The following GRID2 variants were observed in gnomAD, a reference collection of about 807,000 sequenced individuals.
GRID2 encodes the protein glutamate ionotropic receptor delta type subunit 2, also known as glutamate receptor ionotropic, delta-2.
Under a neutral mutation model 114.8 loss-of-function variants are expected in GRID2, and 33 were observed. The ratio of observed to expected loss-of-function variants is 0.29; its 90% confidence interval spans 0.22 to 0.38. The LOEUF is 0.38. GRID2 is among the 10% of genes least tolerant of loss of function. The probability of loss-of-function intolerance (pLI) is 1.00; values close to 1 mark genes in which losing one functional copy is unlikely to be tolerated. For missense variants in GRID2, 1,184 were observed against 1,257.7 expected (o/e 0.94, Z 0.89); for synonymous variants, 505 against 449.9 (o/e 1.12, Z -1.55).
intron 5 of GRID2, among the ~76,000 whole-genome samples, chr4:93,208,570 A>G (rs1486603826): frequency 3.9e-5 from 6 of 152,040 alleles, no homozygotes; most frequent in Non-Finnish European, 7.4e-5. Flanking sequence ...AATGAGGTCC[A>G]TAGAGAATAA....
At chr4:92,723,376 C>G (rs1735904588) in intron 2 of GRID2, among the ~76,000 whole-genome samples, 1 of 152,104 alleles carries the variant, frequency 6.6e-6, no homozygotes. Context: ...ATTTGTCCAT[C>G]TGTCAAACTG....
At chr4:93,310,788 G>A (rs1360727576) in intron 8 of GRID2, among the ~76,000 whole-genome samples, 1 of 152,188 alleles carries the variant, frequency 6.6e-6, no homozygotes, top group Non-Finnish European at 1.5e-5. Flanking sequence ...GGATCCAGGA[G>A]TTTAAGGTGG....
At chr4:93,239,574 T>C (rs1027797410) in intron 8 of GRID2, among the ~76,000 whole-genome samples, 1 of 151,598 alleles carries the variant, frequency 6.6e-6, no homozygotes. Context: ...TTCATGCTAA[T>C]ATGGATGAAA....
intron 2 of GRID2, among the ~76,000 whole-genome samples, chr4:92,716,527 A>G (rs1353028969): frequency 1.3e-5 from 2 of 152,296 alleles, no homozygotes; most frequent in East Asian, 3.9e-4. Context: ...TAAGACCCTC[A>G]CTTCCCCTAA....
chr4:92,384,295 C>T (rs1399834470), intron 1 of GRID2, among the ~76,000 whole-genome samples: 1 of 147,876 alleles, frequency 6.8e-6, no homozygotes, highest in Non-Finnish European at 1.5e-5. Flanking sequence ...AGTTTTCCCT[C>T]AGCCACAAGA....
intron 8 of GRID2, among the ~76,000 whole-genome samples, chr4:93,321,581 G>A (rs1284161990): frequency 6.6e-6 from 1 of 151,964 alleles, no homozygotes; most frequent in Admixed American, 6.6e-5. Flanking sequence ...TTTAGATTCA[G>A]CCCTATTTTT....
chr4:93,749,231 A>T (rs190993009), intron 14 of GRID2, among the ~76,000 whole-genome samples: 11 of 152,308 alleles, frequency 7.2e-5, no homozygotes, highest in African/African-American at 2.6e-4. Flanking sequence ...ATTTGCCCTT[A>T]GGTATTGTTC....
At chr4:92,790,757 C>A (rs545332628) in intron 2 of GRID2, among the ~76,000 whole-genome samples, 9 of 148,376 alleles carry the variant, frequency 6.1e-5, no homozygotes, top group South Asian at 2.1e-4. Context: ...TTTAAAATAA[C>A]CTTTCTCCTC....
chr4:92,855,926 T>G (rs1054429614), intron 2 of GRID2, among the ~76,000 whole-genome samples: 4 of 152,094 alleles, frequency 2.6e-5, no homozygotes, highest in Admixed American at 6.6e-5. Flanking sequence ...AACAGTCTAC[T>G]TGAAGGTTGC....
chr4:92,875,202 C>T (rs373982387), intron 2 of GRID2, among the ~76,000 whole-genome samples: 27 of 134,850 alleles, frequency 2.0e-4, no homozygotes, highest in Middle Eastern at 5.6e-3. Flanking sequence ...CACACTGTTG[C>T]CCGGGTTTGG....
intron 13 of GRID2, among the ~76,000 whole-genome samples, chr4:93,586,900 C>A (rs946322559): frequency 1.3e-5 from 2 of 151,960 alleles, no homozygotes; most frequent in African/African-American, 4.8e-5. Context: ...ACATATGTAC[C>A]CTTTTAAAAA....
chr4:92,943,056 G>C (rs974006830), intron 2 of GRID2, among the ~76,000 whole-genome samples: 2 of 152,126 alleles, frequency 1.3e-5, no homozygotes, highest in African/African-American at 2.4e-5. Context: ...TCTTGGAGTT[G>C]CTCTTCTCGA....
intron 1 of GRID2, among the ~76,000 whole-genome samples, chr4:92,567,395 T>C (rs373728550): frequency 6.6e-6 from 1 of 152,078 alleles, no homozygotes. Flanking sequence ...GCCACTTCTA[T>C]AGGAAAATGT....
chr4:93,276,373 A>G (rs1161309518), intron 8 of GRID2, among the ~76,000 whole-genome samples: 1 of 152,008 alleles, frequency 6.6e-6, no homozygotes, highest in Non-Finnish European at 1.5e-5. Context: ...TTTTGAAATC[A>G]TAATGTGTGA....
chr4:92,750,247 C>A (rs142342329), intron 2 of GRID2, among the ~76,000 whole-genome samples: 66 of 152,246 alleles, frequency 4.3e-4, no homozygotes, highest in South Asian at 1.5e-3. Flanking sequence ...CTAGCTTATC[C>A]GCTGAACCCA....
chr4:93,071,243 A>G (rs1019841793), intron 2 of GRID2, among the ~76,000 whole-genome samples: 1 of 152,096 alleles, frequency 6.6e-6, no homozygotes, highest in African/African-American at 2.4e-5. Context: ...GGCTAACAGG[A>G]CATGTATAGT....
chr4:93,123,155 T>C (rs1002366649), intron 4 of GRID2, among the ~76,000 whole-genome samples: 1 of 152,088 alleles, frequency 6.6e-6, no homozygotes, highest in Non-Finnish European at 1.5e-5. Context: ...CTTGGGACAC[T>C]GATATTGGTG....
intron 11 of GRID2, among the ~76,000 whole-genome samples, chr4:93,479,081 A>G (rs1234529581): frequency 6.6e-6 from 1 of 152,120 alleles, no homozygotes; most frequent in African/African-American, 2.4e-5. Flanking sequence ...ATCCCAAGAA[A>G]GTGAGTCACA....
intron 2 of GRID2, among the ~76,000 whole-genome samples, chr4:92,938,459 A>G (rs1356809205): frequency 1.4e-5 from 2 of 146,816 alleles, no homozygotes; most frequent in Non-Finnish European, 1.5e-5. Context: ...AGTATGGCCT[A>G]CTACTTCTAT....
Sources: allele counts gnomAD v4.1 joint callset (sites outside exome capture counted in the v4.1 genomes callset), GRCh38; gene constraint gnomAD v4.1.1; transcripts MANE v1.5; gene names NCBI Gene and HGNC (gene_info 2026-07-23, HGNC 2026-07-21).